The following TRIM44 variants were observed in gnomAD, a reference collection of about 807,000 sequenced individuals.
The protein encoded by TRIM44 is tripartite motif-containing protein 44.
In TRIM44, 13 loss-of-function variants were observed where a neutral mutation model predicts 37.4. That is an observed-to-expected ratio of 0.35 (90% CI 0.23 to 0.55). The LOEUF is 0.55. Ranked by LOEUF, TRIM44 falls within the 20% of genes least tolerant of loss-of-function variation. The pLI is 0.89. For synonymous variants in TRIM44, 175 were observed against 157.2 expected (o/e 1.11, Z -0.85); for missense variants, 426 against 437.2 (o/e 0.97, Z 0.23).
chr11:35,677,315 G>A (rs187038829), intron 1 of TRIM44, among the ~76,000 whole-genome samples: 339 of 151,850 alleles, frequency 2.2e-3, no homozygotes, highest in African/African-American at 7.8e-3. Flanking sequence ...CTATATGAAG[G>A]CATTTAATAG....
intron 4 of TRIM44, among the ~76,000 whole-genome samples, chr11:35,787,095 C>T (rs766887155): frequency 1.1e-4 from 17 of 152,148 alleles, no homozygotes; most frequent in Non-Finnish European, 2.1e-4. Flanking sequence ...TTGATGTGAA[C>T]TTGTGGCTGA....
chr11:35,702,935 G>A (rs1047852639), intron 2 of TRIM44, among the ~76,000 whole-genome samples: 9 of 152,230 alleles, frequency 5.9e-5, no homozygotes, highest in Admixed American at 1.3e-4. Flanking sequence ...CACCATGCAC[G>A]AGCCGAAGCA....
intron 3 of TRIM44, 45 bp from the exon 4 acceptor site, chr11:35,735,381 A>G (rs1564986524): frequency 6.2e-7 from 1 of 1,609,106 alleles, no homozygotes; most frequent in South Asian, 1.1e-5. Flanking sequence ...CTCTGTCTGT[A>G]CCAACAGTGA....
intron 2 of TRIM44, among the ~76,000 whole-genome samples, chr11:35,693,022 A>G (rs2135495050): frequency 6.6e-6 from 1 of 152,248 alleles, no homozygotes; most frequent in Admixed American, 6.5e-5. Flanking sequence ...CCCCAGAATC[A>G]CAGCAGATTC....
chr11:35,773,942 G>A lies in TRIM44; in HGVS notation c.1008-32416G>A, dbSNP rs796270102. Among the ~76,000 whole-genome samples, 22 of 152,320 alleles carry A rather than the reference G, an allele frequency of 1.4e-4. 2 individuals carry two copies. Among genetic ancestry groups the A allele is most frequent in the African/African-American group, 5.3e-4 (22 of 41,574 alleles). ...TGCCACAATAAACATATGCGTGCAT[G>A]TGTCTTTATGGCAGCATGATTTATA... On this transcript the variant is annotated intron_variant, in intron 4 of 4. Coordinates refer to ENST00000299413, the MANE Select transcript of TRIM44 (RefSeq NM_017583.6).
At chr11:35,740,582 C>T (rs1383013779) in intron 4 of TRIM44, among the ~76,000 whole-genome samples, 1 of 152,230 alleles carries the variant, frequency 6.6e-6, no homozygotes, top group Middle Eastern at 3.4e-3. Flanking sequence ...GTGAATCTGA[C>T]CCATACCGAT....
At position 35,674,235 on chromosome 11, in the gene TRIM44, C is replaced by CGTGTGTGTGTGTGT. The variant is rs113167193; in HGVS notation, c.669+10460_669+10473dup. On this transcript the variant is annotated intron_variant, in intron 1 of 4. Coordinates refer to ENST00000299413, the MANE Select transcript of TRIM44 (RefSeq NM_017583.6). ...GTGAGTGGGAGAGAGAGAGAATTTGCGTGTGTGTGTGTGTGTGTACACATG... is the reference window on the plus strand; with the variant it reads ...GTGAGTGGGAGAGAGAGAGAATTTGCGTGTGTGTGTGTGTGTGTGTGTGTGTGTGTGTACACATG... Among the ~76,000 whole-genome samples, 1,112 of 149,986 alleles carry CGTGTGTGTGTGTGT rather than the reference C, an allele frequency of 7.4e-3. 21 individuals are homozygous for CGTGTGTGTGTGTGT. Among genetic ancestry groups the CGTGTGTGTGTGTGT allele is most frequent in the Admixed American group, 0.047 (715 of 15,066 alleles).
intron 2 of TRIM44, among the ~76,000 whole-genome samples, chr11:35,718,128 TGGG>T (rs1300223154): frequency 1.3e-5 from 2 of 152,280 alleles, no homozygotes; most frequent in South Asian, 2.1e-4. Context: ...TAAATCGAAA[TGGG>T]CTTTTAAAAA....
chr11:35,799,683 AGCCTCTCTGG>A (rs576732839), intron 4 of TRIM44, among the ~76,000 whole-genome samples: 4 of 152,282 alleles, frequency 2.6e-5, no homozygotes, highest in African/African-American at 9.6e-5. Context: ...CAGGTCTTGC[AGCCTCTCTGG>A]GCCTCATTTT....
intron 3 of TRIM44, 88 bp from the exon 4 acceptor site, chr11:35,735,338 T>C: frequency 4.6e-6 from 6 of 1,314,038 alleles, no homozygotes; most frequent in Non-Finnish European, 6.6e-6. Flanking sequence ...TGCATTCAGG[T>C]TGGGAGAGGG....
At chr11:35,696,575 G>T (rs550704598) in intron 2 of TRIM44, among the ~76,000 whole-genome samples, 1 of 151,602 alleles carries the variant, frequency 6.6e-6, no homozygotes, top group Non-Finnish European at 1.5e-5. Context: ...AAGGCCAAGC[G>T]CAGTGGCTCA....
chr11:35,681,798 A>G (rs2135488842), intron 1 of TRIM44, among the ~76,000 whole-genome samples: 1 of 152,192 alleles, frequency 6.6e-6, no homozygotes, highest in Non-Finnish European at 1.5e-5. Flanking sequence ...TGAGGATATA[A>G]TCTCCTGTCT....
chr11:35,746,560 G>A (rs1473970931), intron 4 of TRIM44, among the ~76,000 whole-genome samples: 2 of 151,450 alleles, frequency 1.3e-5, no homozygotes, highest in African/African-American at 2.4e-5. Flanking sequence ...TATGCTGGTG[G>A]AGTTTTTTGT....
At chr11:35,707,293 G>T (rs1160542730) in intron 2 of TRIM44, among the ~76,000 whole-genome samples, 6 of 152,200 alleles carry the variant, frequency 3.9e-5, no homozygotes, top group Admixed American at 3.9e-4. Flanking sequence ...AACATTCCAT[G>T]CTCATGGGTA....
Position 35,685,133 on chromosome 11 carries a change from TG to T in TRIM44, c.670-125del, listed in dbSNP as rs1463491211. The T allele has an allele frequency of 1.3e-5, 9 of 699,372 alleles. No individual in the cohort carries two copies. The African/African-American group carries it at 1.6e-4, about 12-fold the overall frequency. 43.3% of individuals were successfully genotyped at this position (699,372 alleles called of 1,614,324 possible). A position where few individuals can be genotyped will look rare whatever the true frequency, so the allele number is the denominator to read the frequency against. On this transcript the variant is annotated intron_variant, in intron 1 of 4. Coordinates refer to ENST00000299413, the MANE Select transcript of TRIM44 (RefSeq NM_017583.6). ...AAAGAGGGGCAATGCACCTCTCCTT[TG>T]TTGTTTAGCTCTCTTGGCTGTTAAG...
rs150864356 is a variant in TRIM44, at chr11:35,795,694, GT to G, written c.1008-10655del. Among the ~76,000 whole-genome samples, 280 of 151,216 alleles carry G rather than the reference GT, an allele frequency of 1.9e-3. 2 individuals carry two copies. Among genetic ancestry groups the G allele is most frequent in the African/African-American group, 6.5e-3 (268 of 41,234 alleles). On this transcript the variant is annotated intron_variant, in intron 4 of 4. Coordinates refer to ENST00000299413, the MANE Select transcript of TRIM44 (RefSeq NM_017583.6). ...GGTGACAACAGTGTTAACTCTTCCCGTTTTTTTTTAATAGATAGCAGTTTCA... is the reference window on the plus strand; with the variant it reads ...GGTGACAACAGTGTTAACTCTTCCCGTTTTTTTTAATAGATAGCAGTTTCA...
chr11:35,725,775 G>A, intron 2 of TRIM44, 149 bp from the exon 3 acceptor site: 1 of 754,138 alleles, frequency 1.3e-6, no homozygotes, highest in South Asian at 2.0e-5. Flanking sequence ...AATGATATTA[G>A]GGGAACATTG....
Position 35,801,976 on chromosome 11 carries a change from C to T in TRIM44, c.1008-4382C>T, listed in dbSNP as rs185433040. 1.1e-4 allele frequency among the ~76,000 whole-genome samples: 17 copies of T among 152,242 alleles called. 1 individual carries two copies. Among genetic ancestry groups the T allele is most frequent in the African/African-American group, 3.6e-4 (15 of 41,522 alleles). On this transcript the variant is annotated intron_variant, in intron 4 of 4. Transcript: ENST00000299413. ...AGTGTAAATCGTTGCTAAGGGTGTG[C>T]TCACTGACATATTGTGTAGTTTATA...
At chr11:35,782,093 C>T (rs1394070297) in intron 4 of TRIM44, among the ~76,000 whole-genome samples, 2 of 152,142 alleles carry the variant, frequency 1.3e-5, no homozygotes, top group African/African-American at 4.8e-5. Flanking sequence ...ACATTTTAAC[C>T]ATCTAATGTG....
Sources: allele counts gnomAD v4.1 joint callset (sites outside exome capture counted in the v4.1 genomes callset), GRCh38; gene constraint gnomAD v4.1.1; transcripts MANE v1.5; gene names NCBI Gene and HGNC (gene_info 2026-07-23, HGNC 2026-07-21).